Variants in MAST2 observed in about 807,000 individuals in gnomAD.
MAST2 encodes microtubule-associated serine/threonine-protein kinase 2.
In MAST2, 70 loss-of-function variants were observed where a neutral mutation model predicts 147.4. The observed-to-expected ratio is 0.47, with a 90% CI of 0.39 to 0.58. MAST2 has a LOEUF of 0.58. Ranked by LOEUF, MAST2 falls within the 20% of genes least tolerant of loss-of-function variation. The pLI, the probability that MAST2 is intolerant of heterozygous loss-of-function variation, is 0.00. For synonymous variants in MAST2, 869 were observed against 896.8 expected (o/e 0.97, Z 0.55); for missense variants, 2,080 against 2,302.3 (o/e 0.90, Z 1.98).
intron 6 of MAST2, among the ~76,000 whole-genome samples, chr1:46,002,485 T>G (rs1320547317): frequency 6.6e-6 from 1 of 152,244 alleles, no homozygotes; most frequent in Non-Finnish European, 1.5e-5. Flanking sequence ...GCTGGAATCC[T>G]CTGTCATTGT....
chr1:45,922,517 C>T (rs1024754003), intron 4 of MAST2, among the ~76,000 whole-genome samples: 1 of 152,218 alleles, frequency 6.6e-6, no homozygotes, highest in Non-Finnish European at 1.5e-5. Flanking sequence ...CATGTCAGCA[C>T]TACCCCGAGC....
intron 3 of MAST2, among the ~76,000 whole-genome samples, chr1:45,878,157 T>G (rs1355486870): frequency 7.0e-6 from 1 of 142,720 alleles, no homozygotes; most frequent in Non-Finnish European, 1.5e-5. Context: ...TGAGCAGAGA[T>G]CACGCCACTG....
intron 5 of MAST2, among the ~76,000 whole-genome samples, chr1:45,974,272 T>C (rs1644045201): frequency 6.6e-6 from 1 of 152,050 alleles, no homozygotes. Flanking sequence ...GCTGGGTAGA[T>C]GTGGTAAAGA....
intron 5 of MAST2, among the ~76,000 whole-genome samples, chr1:45,992,224 T>TA (rs1644881523): frequency 6.6e-6 from 1 of 152,132 alleles, no homozygotes; most frequent in African/African-American, 2.4e-5. Flanking sequence ...GTATTCCTAG[T>TA]TTGCTGAGTT....
At chr1:45,871,814 G>T (rs771245433) in intron 3 of MAST2, among the ~76,000 whole-genome samples, 6 of 152,200 alleles carry the variant, frequency 3.9e-5, no homozygotes, top group Admixed American at 6.5e-5. Context: ...TGTTATTTAT[G>T]TTAGTTACAT....
rs377161608 is a variant in MAST2 at position 46,031,362 on chromosome 1, C to T, written c.2993-29C>T. ...AGGGCAGGGAGGCTCAGCGGCATCG[C>T]GGGTCTCACTGCTTACTTGGGCCTA... On this transcript the variant is annotated intron_variant, in intron 23 of 28. Transcript: ENST00000361297. This position sits in a 1 kb window ranked among gnomAD's most constrained non-coding sequence, Gnocchi z 4.1. 1.1e-4 allele frequency: 178 copies of T among 1,591,512 alleles called. No individual in the cohort carries two copies. The highest frequency in any genetic ancestry group is 1.4e-4 in the Non-Finnish European group (165 of 1,165,576).
At chr1:46,013,215 C>T (rs987666553) in intron 10 of MAST2, among the ~76,000 whole-genome samples, 3 of 152,082 alleles carry the variant, frequency 2.0e-5, no homozygotes, top group Non-Finnish European at 4.4e-5. Context: ...CCTAAATTTA[C>T]AGATAAGGAA....
At chr1:45,931,368 T>A (rs995130825) in intron 4 of MAST2, among the ~76,000 whole-genome samples, 1 of 141,040 alleles carries the variant, frequency 7.1e-6, no homozygotes, top group African/African-American at 2.6e-5. Flanking sequence ...AAAGGTGGTA[T>A]TGTGTTCTGT....
intron 5 of MAST2, among the ~76,000 whole-genome samples, chr1:45,964,749 GC>G (rs1660926341): frequency 2.0e-5 from 3 of 151,900 alleles, no homozygotes; most frequent in Non-Finnish European, 4.4e-5. Flanking sequence ...GTTATTTCTT[GC>G]CTTTTGCTAG....
chr1:46,006,128 T>C (rs1645476719), intron 7 of MAST2, 113 bp from the exon 8 acceptor site: 1 of 1,029,914 alleles, frequency 9.7e-7, no homozygotes, highest in Non-Finnish European at 1.4e-6. Flanking sequence ...AAAGAAGACC[T>C]GCTTTGGGTT....
intron 10 of MAST2, among the ~76,000 whole-genome samples, chr1:46,014,526 T>C (rs1327327372): frequency 6.6e-6 from 1 of 152,004 alleles, no homozygotes; most frequent in African/African-American, 2.4e-5. Flanking sequence ...TGTGGCTGCA[T>C]AGTATTCCAT....
At chr1:45,977,285 C>T (rs368380613) in intron 5 of MAST2, among the ~76,000 whole-genome samples, 3 of 150,586 alleles carry the variant, frequency 2.0e-5, no homozygotes, top group African/African-American at 4.9e-5. Flanking sequence ...GTCAGGAGTT[C>T]GAGACCAGCC....
chr1:45,969,000 A>G (rs1013562827), intron 5 of MAST2, among the ~76,000 whole-genome samples: 1 of 151,980 alleles, frequency 6.6e-6, no homozygotes. Context: ...CATCAAAGGC[A>G]TTCTTCAGTT....
At chr1:45,922,861 C>T (rs527802555) in intron 4 of MAST2, among the ~76,000 whole-genome samples, 1 of 152,262 alleles carries the variant, frequency 6.6e-6, no homozygotes, top group South Asian at 2.1e-4. Context: ...AGGTCTGATG[C>T]ATTGTCCTGG....
intron 4 of MAST2, among the ~76,000 whole-genome samples, chr1:45,947,544 C>G (rs1570876719): frequency 1.3e-5 from 2 of 151,946 alleles, no homozygotes; most frequent in South Asian, 2.1e-4. Context: ...CCTGAGGGAC[C>G]CAAATCAGAG....
chr1:46,014,334 C>T (rs1484534286), intron 10 of MAST2, among the ~76,000 whole-genome samples: 1,008 of 96,402 alleles, frequency 0.01, no homozygotes, highest in East Asian at 0.023. Flanking sequence ...CCTCCCCCCA[C>T]CCCACAACAG....
intron 1 of MAST2, among the ~76,000 whole-genome samples, chr1:45,817,900 C>T (rs763410280): frequency 7.9e-5 from 12 of 151,948 alleles, no homozygotes; most frequent in East Asian, 1.9e-4. Flanking sequence ...AACACATTTT[C>T]GCCAATGAGA....
chr1:45,908,717 C>A (rs1651178176), intron 4 of MAST2, among the ~76,000 whole-genome samples: 1 of 152,116 alleles, frequency 6.6e-6, no homozygotes, highest in Non-Finnish European at 1.5e-5. Context: ...TCTTGGTGAA[C>A]ATGCAATGTC....
At chr1:45,819,168 G>A (rs898806554) in intron 1 of MAST2, among the ~76,000 whole-genome samples, 5 of 151,092 alleles carry the variant, frequency 3.3e-5, no homozygotes, top group African/African-American at 1.2e-4. Flanking sequence ...CAGGAGAATC[G>A]CTTGAACCCA....
Sources: gnomAD v4.1 joint callset for allele counts (sites outside exome capture counted in the v4.1 genomes callset) on GRCh38, gnomAD v4.1.1 for gene constraint, Gnocchi (gnomAD v3.1) non-coding constraint, MANE v1.5 for transcripts, NCBI Gene and HGNC (gene_info 2026-07-23, HGNC 2026-07-21) for gene names.